The following ITGA5 variants were observed in gnomAD, a reference collection of about 807,000 sequenced individuals.
ITGA5 encodes integrin alpha-5.
A neutral mutation model predicts 146.3 loss-of-function variants in ITGA5; 55 were observed. The observed-to-expected ratio is 0.38, with a 90% CI of 0.30 to 0.47. ITGA5 has a LOEUF of 0.47. ITGA5 is among the 20% of genes least tolerant of loss of function. The pLI is 0.99. For synonymous variants in ITGA5, 500 were observed against 531.8 expected (o/e 0.94, Z 0.82); for missense variants, 1,131 against 1,329.0 (o/e 0.85, Z 2.32).
At chr12:54,402,385 C>T in intron 19 of ITGA5, 55 bp from the exon 20 acceptor site, 1 of 1,517,754 alleles carries the variant, frequency 6.6e-7, no homozygotes, top group South Asian at 1.2e-5. Flanking sequence ...CAAACCAGGA[C>T]AAAGGACCAT....
chr12:54,405,615 C>G lies in ITGA5; in HGVS notation c.1016+49G>C, dbSNP rs749341246. On this transcript the variant is annotated intron_variant, in intron 11 of 29. Transcript: ENST00000293379. Reference sequence around the variant, plus strand: ...TTTTCTGTCCCATTCCCACTCTTCCCTCTTGGTTCTGGGAGGGTATCACAG... The same window carrying G: ...TTTTCTGTCCCATTCCCACTCTTCCGTCTTGGTTCTGGGAGGGTATCACAG... The G allele has an allele frequency of 1.6e-5, 24 of 1,506,588 alleles. 1 individual carries two copies. In the South Asian group the frequency reaches 2.6e-4, roughly 16 times the overall value. 93.3% of individuals were successfully genotyped at this position (1,506,588 alleles called of 1,614,324 possible).
chr12:54,419,099 G>A lies in ITGA5; in HGVS notation c.100C>T (p.Pro34Ser), dbSNP rs532930597. The stretch of plus-strand genomic sequence containing the variant: ...AAGCCCCCGACCCTGGGTGGCGGCG[G>A]CAGCAGCAGCAACAGCAGCGGCAGC... Reference protein sequence around the residue: ...PLLPLLLLLLPPPPRVGGFNL... With the variant: ...PLLPLLLLLLSPPPRVGGFNL... The change falls in exon 1 of 30, where the codon CCG becomes TCG. Residue 34 changes from proline to serine, a missense_variant. Around this residue, in one of 3 missense-constraint regions of ITGA5, gnomAD observed 175 missense variants for 179.3 expected, o/e 0.98. Coordinates refer to ENST00000293379, the MANE Select transcript of ITGA5 (RefSeq NM_002205.5). The A allele has an allele frequency of 1.1e-5, 18 of 1,587,536 alleles. No individual in the cohort carries two copies. The South Asian group carries it at 1.6e-4, about 14-fold the overall frequency.
At position 54,400,995 on chromosome 12, in the gene ITGA5, G is replaced by T; in HGVS notation, c.2494C>A (p.Leu832Ile). 1 of 1,613,228 alleles carries T rather than the reference G, an allele frequency of 6.2e-7. No homozygotes were observed. Among genetic ancestry groups the T allele is most frequent in the Non-Finnish European group, 8.5e-7 (1 of 1,179,732 alleles). Residue 832 changes from leucine (L) to isoleucine (I), a missense_variant and splice_region_variant, in exon 25 of 30, where the codon CTC (leucine) becomes ATC (isoleucine). By Grantham distance (5) the Leu-to-Ile change is conservative. Around this residue, in one of 3 missense-constraint regions of ITGA5, gnomAD observed 889 missense variants for 1,021.5 expected, o/e 0.87. Coordinates refer to ENST00000293379, the MANE Select transcript of ITGA5 (RefSeq NM_002205.5). The stretch of plus-strand genomic sequence containing the variant: ...ATGGAGCTGGGGCCTTGGTTGATGA[G>T]CTGAGGAGGGAAGAGCACAATCATC... ...LGPAVHHVYE[L>I]INQGPSSISQ...
chr12:54,402,232 C>G lies in ITGA5; in HGVS notation c.2081G>C (p.Arg694Pro), dbSNP rs150458044. 1 of 1,614,064 alleles carries G rather than the reference C, an allele frequency of 6.2e-7. No homozygotes were observed. The highest frequency in any genetic ancestry group is 8.5e-7 in the Non-Finnish European group (1 of 1,179,992). Residue 694 changes from arginine to proline, a missense_variant, in exon 20 of 30, where the codon CGG becomes CCG. Coordinates refer to ENST00000293379, the MANE Select transcript of ITGA5 (RefSeq NM_002205.5). Reference sequence around the variant, plus strand: ...CTCAGCCTCTGGAGGGGCGGTGACCCGAAGCTCAGCCTCATAGGCGCCACC... The same window carrying G: ...CTCAGCCTCTGGAGGGGCGGTGACCGGAAGCTCAGCCTCATAGGCGCCACC... ...GEGGAYEAEL[R>P]VTAPPEAEYS...
At position 54,403,120 on chromosome 12, in the gene ITGA5, A is replaced by G; in HGVS notation, c.1914+67T>C. The stretch of plus-strand genomic sequence containing the variant: ...CTGGGCTGTAGGCTCTTCTCTTTCC[A>G]TGGCCCTGCCCCCCCAATACCCAGG... On this transcript the variant is annotated intron_variant, in intron 18 of 29. Coordinates refer to ENST00000293379, the MANE Select transcript of ITGA5 (RefSeq NM_002205.5). The surrounding 1 kb of genome is among the most constrained non-coding windows in gnomAD (Gnocchi z 4.9). 1.9e-6 allele frequency: 3 copies of G among 1,605,208 alleles called. No individual in the cohort carries two copies. The highest frequency in any genetic ancestry group is 2.6e-6 in the Non-Finnish European group (3 of 1,175,196).
chr12:54,409,794 CTACACACATACACA>C lies in ITGA5; in HGVS notation c.350-211_350-198del. The C allele has an allele frequency of 1.7e-6, 1 of 572,164 alleles. No homozygotes were observed. The highest frequency in any genetic ancestry group is 3.1e-6 in the Non-Finnish European group (1 of 319,032). The allele number at this position is 572,164 out of a possible 1,614,324, so 35.4% of individuals were successfully genotyped here. On this transcript the variant is annotated intron_variant, in intron 2 of 29. Coordinates refer to ENST00000293379, the MANE Select transcript of ITGA5 (RefSeq NM_002205.5). This position sits in a 1 kb window ranked among gnomAD's most constrained non-coding sequence, Gnocchi z 4.7. The stretch of plus-strand genomic sequence containing the variant: ...TTGTGTAGCCTGACTTATCTCTCCA[CTACACACATACACA>C]TACACACACACACATACATACACAC...
intron 12 of ITGA5, 101 bp downstream of exon 12, chr12:54,405,065 G>A (rs962298093): frequency 1.3e-5 from 17 of 1,260,056 alleles, no homozygotes; most frequent in Middle Eastern, 2.0e-4. Flanking sequence ...TCGGGAAGTC[G>A]TGGAGGTCTG....
chr12:54,409,106 C>G lies in ITGA5; in HGVS notation c.583+126G>C. Reference sequence around the variant, plus strand: ...CATAAAGGCTAACGAACTGGGTTAGCCTTTATCTTAAGCAACCTAGAACCT... The same window carrying G: ...CATAAAGGCTAACGAACTGGGTTAGGCTTTATCTTAAGCAACCTAGAACCT... On this transcript the variant is annotated intron_variant, in intron 4 of 29. Transcript: ENST00000293379. The surrounding 1 kb of genome is among the most constrained non-coding windows in gnomAD (Gnocchi z 4.7). 6.8e-7 allele frequency: 1 copy of G among 1,463,054 alleles called. No homozygotes were observed. The highest frequency in any genetic ancestry group is 1.3e-5 in the South Asian group (1 of 79,988). The allele number at this position is 1,463,054 out of a possible 1,614,324, so 90.6% of individuals were successfully genotyped here.
At chr12:54,404,555 G>T (rs758168935) in intron 13 of ITGA5, 80 bp from the exon 14 acceptor site, 41 of 1,543,312 alleles carry the variant, frequency 2.7e-5, no homozygotes, top group Non-Finnish European at 3.7e-5. Context: ...TGGTTTCAAC[G>T]CTCAGGGAGG....
chr12:54,405,093 A>T (rs1955845530), intron 12 of ITGA5, 73 bp downstream of exon 12: 2 of 1,380,980 alleles, frequency 1.4e-6, no homozygotes, highest in Non-Finnish European at 2.0e-6. Flanking sequence ...TAGCTGACAG[A>T]TGCCCTCTCC....
chr12:54,407,825 C>T lies in ITGA5; in HGVS notation c.862+7G>A, dbSNP rs755916074. ...CTCCCTTGGCCCCAGCCTGGGGACA[C>T]ACTCACCTTCTGTGTCATCACCACT... On this transcript the variant is annotated splice_region_variant and intron_variant, in intron 8 of 29. Transcript: ENST00000293379. 6.2e-7 allele frequency: 1 copy of T among 1,605,262 alleles called. No individual in the cohort carries two copies. The highest frequency in any genetic ancestry group is 1.1e-5 in the South Asian group (1 of 89,528).
intron 1 of ITGA5, among the ~76,000 whole-genome samples, chr12:54,414,643 G>C (rs1220639887): frequency 2.8e-5 from 4 of 144,494 alleles, no homozygotes; most frequent in Admixed American, 1.4e-4. Context: ...TCAGGAGATC[G>C]AGACCATCCT....
At position 54,405,548 on chromosome 12, in the gene ITGA5, G is replaced by T. The variant is rs932346047; in HGVS notation, c.1016+116C>A. 16 of 1,087,558 alleles carry T rather than the reference G, an allele frequency of 1.5e-5. No homozygotes were observed. In the South Asian group the frequency reaches 1.5e-4, roughly 10 times the overall value. 67.4% of individuals were successfully genotyped at this position (1,087,558 alleles called of 1,614,324 possible). A position where few individuals can be genotyped will look rare whatever the true frequency, so the allele number is the denominator to read the frequency against. On this transcript the variant is annotated intron_variant, in intron 11 of 29. Transcript: ENST00000293379. ...CTGAGCAAGGGGAATGCAGGTATGA[G>T]CGAGAGTCTAGAGAAAAAGCCCTGG...
rs1219181156 is a variant in ITGA5 at position 54,416,635 on chromosome 12, A to G, written c.218+2346T>C. ...CCCATGTATTGATCACTCTCTGTGG[A>G]CCAGGTTCCTTTTGTATATGTTTTC... On this transcript the variant is annotated intron_variant, in intron 1 of 29. Transcript: ENST00000293379. The surrounding 1 kb of genome is among the most constrained non-coding windows in gnomAD (Gnocchi z 4.1). 6.6e-6 allele frequency among the ~76,000 whole-genome samples: 1 copy of G among 152,204 alleles called. No individual in the cohort carries two copies. The highest frequency in any genetic ancestry group is 1.9e-4 in the East Asian group (1 of 5,204).
chr12:54,397,495 G>T lies in ITGA5; in HGVS notation c.2944-8C>A. 6.2e-7 allele frequency: 1 copy of T among 1,613,770 alleles called. No homozygotes were observed. The highest frequency in any genetic ancestry group is 8.5e-7 in the Non-Finnish European group (1 of 1,179,928). ...TTGCACAGCTGTGGCCACCTGGGGA[G>T]CAAGTTGGGTGAAGTCAATGAAAGC... is the stretch of plus-strand genomic sequence containing the variant. On this transcript the variant is annotated splice_region_variant and splice_polypyrimidine_tract_variant and intron_variant, in intron 28 of 29. Transcript: ENST00000293379.
Position 54,408,893 on chromosome 12 carries a change from CT to C in ITGA5, c.644del (p.Lys215ArgfsTer7), listed in dbSNP as rs780801154. On this transcript the variant is annotated frameshift_variant and splice_region_variant, in exon 5 of 30. Transcript: ENST00000293379. LOFTEE classifies it high-confidence loss of function. ...CQGGFSAEFT[K>X]TGRVVLGGPG... ...CTTCTCTCCCAGACCACTCTCTCACCTTGGTGAACTCGGCACTGAAGCCTCC... is the reference window on the plus strand; with the variant it reads ...CTTCTCTCCCAGACCACTCTCTCACCTGGTGAACTCGGCACTGAAGCCTCC... 1 of 1,614,106 alleles carries C rather than the reference CT, an allele frequency of 6.2e-7. No homozygotes were observed. Among genetic ancestry groups the C allele is most frequent in the Non-Finnish European group, 8.5e-7 (1 of 1,180,000 alleles).
Position 54,409,942 on chromosome 12 carries a change from C to T in ITGA5, c.350-345G>A, listed in dbSNP as rs146439475. ...CATGATCTCGGCTCAGTGCAACCTCCGCCTCCCTGGTTCAAGGGATTCTCC... is the reference window on the plus strand; with the variant it reads ...CATGATCTCGGCTCAGTGCAACCTCTGCCTCCCTGGTTCAAGGGATTCTCC... On this transcript the variant is annotated intron_variant, in intron 2 of 29. Coordinates refer to ENST00000293379, the MANE Select transcript of ITGA5 (RefSeq NM_002205.5). This position sits in a 1 kb window ranked among gnomAD's most constrained non-coding sequence, Gnocchi z 4.7. Among the ~76,000 whole-genome samples, 2,686 of 151,502 alleles carry T rather than the reference C, an allele frequency of 0.018. 32 individuals carry two copies. Among genetic ancestry groups the T allele is most frequent in the Middle Eastern group, 0.042 (12 of 288 alleles).
chr12:54,407,109 A>G (rs1447650377), intron 9 of ITGA5, among the ~76,000 whole-genome samples: 6 of 152,378 alleles, frequency 3.9e-5, no homozygotes, highest in East Asian at 1.9e-4. Flanking sequence ...TGCCTGATGC[A>G]CTGAGTAGAG....
chr12:54,405,064 C>T lies in ITGA5; in HGVS notation c.1225+102G>A, dbSNP rs375235095. ...GTGGGATTTTAACCCCTCGGGAAGTCGTGGAGGTCTGGGTATCTTAGCTGA... is the reference window on the plus strand; with the variant it reads ...GTGGGATTTTAACCCCTCGGGAAGTTGTGGAGGTCTGGGTATCTTAGCTGA... On this transcript the variant is annotated intron_variant, in intron 12 of 29. Transcript: ENST00000293379. 510 of 1,256,020 alleles carry T rather than the reference C, an allele frequency of 4.1e-4. 2 individuals are homozygous for T. Among genetic ancestry groups the T allele is most frequent in the East Asian group, 8.0e-4 (34 of 42,638 alleles). The allele number at this position is 1,256,020 out of a possible 1,614,324, so 77.8% of individuals were successfully genotyped here. A position where few individuals can be genotyped will look rare whatever the true frequency, so the allele number is the denominator to read the frequency against.
Sources: gnomAD v4.1 joint callset for allele counts (sites outside exome capture counted in the v4.1 genomes callset) on GRCh38, gnomAD v4.1.1 for gene constraint, gnomAD v4.1.1 regional missense constraint, Gnocchi (gnomAD v3.1) non-coding constraint, MANE v1.5 for transcripts, NCBI Gene and HGNC (gene_info 2026-07-23, HGNC 2026-07-21) for gene names.